The following SLC8A1 variants were observed in gnomAD, a reference collection of about 807,000 sequenced individuals.
SLC8A1 encodes sodium/calcium exchanger 1.
A neutral mutation model predicts 68.3 loss-of-function variants in SLC8A1; 18 were observed. That is an observed-to-expected ratio of 0.26 (90% CI 0.18 to 0.39). SLC8A1 has a LOEUF of 0.39. Among genes scored for constraint, SLC8A1 ranks in the 10% least tolerant of loss-of-function variants. The pLI, the probability that SLC8A1 is intolerant of heterozygous loss-of-function variation, is 1.00. For missense variants in SLC8A1, 985 were observed against 1,156.7 expected, an observed-to-expected ratio of 0.85 and a Z score of 2.15; for synonymous variants, 475 against 415.5, an observed-to-expected ratio of 1.14 and a Z score of -1.74.
intron 3 of SLC8A1, among the ~76,000 whole-genome samples, chr2:40,177,576 C>G (rs943106798): frequency 6.6e-6 from 1 of 152,082 alleles, no homozygotes; most frequent in Non-Finnish European, 1.5e-5. Flanking sequence ...AGAAAGTGGG[C>G]GTTGCCTGTT....
intron 6 of SLC8A1, among the ~76,000 whole-genome samples, chr2:40,145,190 CTTTCTCT>C (rs1165923905): frequency 7.5e-6 from 1 of 133,784 alleles, no homozygotes; most frequent in Non-Finnish European, 1.6e-5. Flanking sequence ...CAATATTTTT[CTTTCTCT>C]GTCTGGCTTC....
chr2:40,243,275 G>T (rs1353104754), intron 2 of SLC8A1, among the ~76,000 whole-genome samples: 1 of 152,120 alleles, frequency 6.6e-6, no homozygotes, highest in African/African-American at 2.4e-5. Context: ...TGAGCCTCAG[G>T]AGTTCAAGAC....
intron 6 of SLC8A1, among the ~76,000 whole-genome samples, chr2:40,145,123 T>G (rs928164355): frequency 2.6e-5 from 4 of 152,188 alleles, no homozygotes; most frequent in African/African-American, 9.7e-5. Flanking sequence ...ATTCCTATCT[T>G]GGTGTATTTG....
chr2:40,337,652 C>G (rs550649461), intron 2 of SLC8A1, among the ~76,000 whole-genome samples: 1 of 152,106 alleles, frequency 6.6e-6, no homozygotes, highest in African/African-American at 2.4e-5. Flanking sequence ...AAACCTTTCC[C>G]CCTAGGTTTC....
chr2:40,424,065 G>C (rs996931473), intron 2 of SLC8A1, among the ~76,000 whole-genome samples: 2 of 151,856 alleles, frequency 1.3e-5, no homozygotes, highest in Non-Finnish European at 2.9e-5. Context: ...ATGCTTTAAA[G>C]GTAGCAGATA....
chr2:40,267,672 T>A (rs186616415), intron 2 of SLC8A1, among the ~76,000 whole-genome samples: 1 of 152,232 alleles, frequency 6.6e-6, no homozygotes, highest in South Asian at 2.1e-4. Context: ...CATTTATTAA[T>A]CCCCTACTAC....
upstream of SLC8A1, among the ~76,000 whole-genome samples, chr2:40,456,851 T>C (rs999815539): frequency 2.0e-5 from 3 of 152,238 alleles, no homozygotes; most frequent in East Asian, 1.9e-4. Context: ...GTTTTTGTTA[T>C]ACAGAGTTCT....
At chr2:40,229,477 C>A (rs1458006090) in intron 2 of SLC8A1, among the ~76,000 whole-genome samples, 1 of 152,044 alleles carries the variant, frequency 6.6e-6, no homozygotes, top group African/African-American at 2.4e-5. Context: ...CTTGTCCTTG[C>A]ATTAAACTCT....
chr2:40,257,424 C>CTT (rs560681453), intron 2 of SLC8A1, among the ~76,000 whole-genome samples: 8 of 145,292 alleles, frequency 5.5e-5, no homozygotes, highest in Non-Finnish European at 1.1e-4. Context: ...TGTTTACCAC[C>CTT]TTTTTTTTTT....
At chr2:40,246,260 T>C (rs371817990) in intron 2 of SLC8A1, among the ~76,000 whole-genome samples, 1 of 152,356 alleles carries the variant, frequency 6.6e-6, no homozygotes, top group African/African-American at 2.4e-5. Context: ...ATTTTTACTT[T>C]AGAAATACAT....
At chr2:40,112,286 G>C (rs2034624592) in exon 8 of SLC8A1, 1 of 152,472 alleles carries the variant, frequency 6.6e-6, no homozygotes, top group African/African-American at 2.4e-5. Context: ...TTATTTGTCT[G>C]TGTCAGTAAT....
chr2:40,191,010 G>A (rs1192483489), intron 2 of SLC8A1, among the ~76,000 whole-genome samples: 1 of 152,072 alleles, frequency 6.6e-6, no homozygotes, highest in Admixed American at 6.6e-5. Context: ...AATTCAAAAG[G>A]GGGTAATTGT....
intron 2 of SLC8A1, among the ~76,000 whole-genome samples, chr2:40,181,618 T>C (rs2049581169): frequency 6.6e-6 from 1 of 152,040 alleles, no homozygotes; most frequent in South Asian, 2.1e-4. Context: ...AAGCTATTAA[T>C]AGGAAACTTG....
At chr2:40,262,304 T>G (rs922361303) in intron 2 of SLC8A1, among the ~76,000 whole-genome samples, 1 of 152,188 alleles carries the variant, frequency 6.6e-6, no homozygotes, top group Non-Finnish European at 1.5e-5. Context: ...TAGCTTTTGG[T>G]TTACTGCAAG....
At chr2:40,314,035 T>A (rs1466437224) in intron 2 of SLC8A1, among the ~76,000 whole-genome samples, 1 of 152,116 alleles carries the variant, frequency 6.6e-6, no homozygotes, top group Non-Finnish European at 1.5e-5. Context: ...TATCAATTTT[T>A]AAAAATAGAT....
At chr2:40,255,556 T>C (rs748426585) in intron 2 of SLC8A1, among the ~76,000 whole-genome samples, 6 of 152,208 alleles carry the variant, frequency 3.9e-5, no homozygotes, top group African/African-American at 7.2e-5. Context: ...CAGGTTCTCT[T>C]GCAATTATGA....
At chr2:40,387,936 CAAAAAAA>C (rs57394425) in intron 2 of SLC8A1, among the ~76,000 whole-genome samples, 4 of 90,938 alleles carry the variant, frequency 4.4e-5, no homozygotes, top group Non-Finnish European at 6.2e-5. Flanking sequence ...GAGACTGCCT[CAAAAAAA>C]AAAAAAAAAA....
At chr2:40,436,182 TC>T (rs1484269150) in intron 1 of SLC8A1, among the ~76,000 whole-genome samples, 1 of 151,938 alleles carries the variant, frequency 6.6e-6, no homozygotes, top group African/African-American at 2.4e-5. Flanking sequence ...TTCTTTTTTT[TC>T]ATTGAGGTAT....
At chr2:40,403,055 A>T (rs1431834198) in intron 2 of SLC8A1, among the ~76,000 whole-genome samples, 1 of 152,224 alleles carries the variant, frequency 6.6e-6, no homozygotes, top group African/African-American at 2.4e-5. Flanking sequence ...AATGTATAAG[A>T]TGTAGGCTAT....
Sources: gnomAD v4.1 joint callset for allele counts (sites outside exome capture counted in the v4.1 genomes callset) on GRCh38, gnomAD v4.1.1 for gene constraint, MANE v1.5 for transcripts, NCBI Gene and HGNC (gene_info 2026-07-23, HGNC 2026-07-21) for gene names.